COL25A1: variants seen among roughly 807,000 people sequenced by gnomAD.
COL25A1 encodes collagen type XXV alpha 1 chain.
COL25A1 carries 103 observed loss-of-function variants against 128.4 expected under a neutral mutation model. The ratio of observed to expected loss-of-function variants is 0.80; its 90% CI spans 0.68 to 0.94. The LOEUF is 0.94. Ranked by LOEUF, COL25A1 falls within the 40% of genes least tolerant of loss-of-function variation. The pLI, the probability that COL25A1 is intolerant of heterozygous loss-of-function variation, is 0.00. For synonymous variants in COL25A1, 279 were observed against 277.2 expected (o/e 1.01, Z -0.06); for missense variants, 745 against 840.0 (o/e 0.89, Z 1.40).
At chr4:108,901,795 T>C (rs1275869727) in intron 13 of COL25A1, among the ~76,000 whole-genome samples, 1 of 152,094 alleles carries the variant, frequency 6.6e-6, no homozygotes, top group East Asian at 1.9e-4. Flanking sequence ...CAAAAGATGA[T>C]GGCTATTAGG....
At chr4:109,037,691 C>G (rs1358813602) in intron 5 of COL25A1, among the ~76,000 whole-genome samples, 2 of 152,172 alleles carry the variant, frequency 1.3e-5, no homozygotes, top group Non-Finnish European at 2.9e-5. Flanking sequence ...TAGAGCTGGC[C>G]CACGTGTCAC....
At chr4:109,014,390 T>C (rs2126053011) in intron 5 of COL25A1, among the ~76,000 whole-genome samples, 1 of 151,396 alleles carries the variant, frequency 6.6e-6, no homozygotes, top group Middle Eastern at 3.5e-3. Flanking sequence ...AAAGTTAAAA[T>C]GCAGGATTCT....
chr4:109,056,717 TGA>T (rs1394244963), intron 3 of COL25A1, among the ~76,000 whole-genome samples: 1 of 152,018 alleles, frequency 6.6e-6, no homozygotes, highest in Non-Finnish European at 1.5e-5. Context: ...TAAAGCCAAC[TGA>T]GAGGATATGT....
rs1449338693 is a variant in COL25A1 at position 109,301,693 on chromosome 4, C to A, written c.297+30G>T. On this transcript the variant is annotated intron_variant, in intron 2 of 37. Transcript: ENST00000399132. ...GAGTCACGCTTGTACAAGATGTTACCCACGTGCAAAATACCCCAGCCTCTC... is the reference window on the plus strand; with the variant it reads ...GAGTCACGCTTGTACAAGATGTTACACACGTGCAAAATACCCCAGCCTCTC... The A allele has an allele frequency of 2.5e-6, 4 of 1,597,052 alleles. No homozygotes were observed. In the African/African-American group the frequency reaches 5.4e-5, roughly 21 times the overall value.
chr4:109,186,316 A>G lies in COL25A1; in HGVS notation c.367+114267T>C, dbSNP rs143382370. 6.6e-5 allele frequency among the ~76,000 whole-genome samples: 10 copies of G among 152,264 alleles called. No homozygotes were observed. The East Asian group carries it at 1.9e-3, about 29-fold the overall frequency. ...AAACTTCTTCTAATCTTTCTTTCTC[A>G]TCTTTTTTTGCATATATTTTTCCAT... On this transcript the variant is annotated intron_variant, in intron 3 of 37. Transcript: ENST00000399132.
chr4:109,238,954 T>C (rs1779649272), intron 3 of COL25A1, among the ~76,000 whole-genome samples: 1 of 151,962 alleles, frequency 6.6e-6, no homozygotes, highest in African/African-American at 2.4e-5. Flanking sequence ...AGGTAGCCAC[T>C]TTCTGGATGG....
At chr4:108,866,220 T>C (rs1477112568) in intron 20 of COL25A1, among the ~76,000 whole-genome samples, 1 of 149,950 alleles carries the variant, frequency 6.7e-6, no homozygotes, top group Admixed American at 6.7e-5. Context: ...TTTTTTGAGG[T>C]CTCACTCTGT....
intron 8 of COL25A1, among the ~76,000 whole-genome samples, chr4:108,954,042 C>A (rs1324648235): frequency 6.6e-6 from 1 of 152,148 alleles, no homozygotes; most frequent in Non-Finnish European, 1.5e-5. Flanking sequence ...TATACACTAT[C>A]TCTAGCAGGA....
Position 109,284,841 on chromosome 4 carries a change from A to G in COL25A1, c.367+15742T>C, listed in dbSNP as rs545817653. Reference sequence around the variant, plus strand: ...TTGTCCCCCCATGCCCCACCCAGGAAAAAAAAAAAAAACCTATACAATAAA... The same window carrying G: ...TTGTCCCCCCATGCCCCACCCAGGAGAAAAAAAAAAAACCTATACAATAAA... On this transcript the variant is annotated intron_variant, in intron 3 of 37. Coordinates refer to ENST00000399132, the MANE Select transcript of COL25A1 (RefSeq NM_198721.4). 8.7e-3 allele frequency among the ~76,000 whole-genome samples: 1,288 copies of G among 148,738 alleles called. 21 individuals carry two copies. Among genetic ancestry groups the G allele is most frequent in the African/African-American group, 0.03 (1,230 of 40,904 alleles).
intron 27 of COL25A1, among the ~76,000 whole-genome samples, chr4:108,847,380 G>A: frequency 6.6e-6 from 1 of 152,046 alleles, no homozygotes; most frequent in East Asian, 1.9e-4. Context: ...AAAACCGATG[G>A]AGAAAAATTA....
intron 35 of COL25A1, among the ~76,000 whole-genome samples, chr4:108,823,426 C>G (rs1732004347): frequency 6.6e-6 from 1 of 151,292 alleles, no homozygotes; most frequent in Admixed American, 6.6e-5. Flanking sequence ...AGAAAAGAAA[C>G]AGAGGAGAGT....
rs1486397717 is a variant in COL25A1, at chr4:108,896,790, T to C, written c.862-79A>G. ...TAATATTTTTCATTATTTTAAGCTT[T>C]CTTTCATGAACACTACATATTAAAA... On this transcript the variant is annotated intron_variant, in intron 15 of 37. Transcript: ENST00000399132. The C allele has an allele frequency of 7.9e-6, 10 of 1,270,842 alleles. No homozygotes were observed. The African/African-American group carries it at 1.2e-4, about 15-fold the overall frequency. The allele number at this position is 1,270,842 out of a possible 1,614,324, so 78.7% of individuals were successfully genotyped here.
At chr4:109,022,239 C>T (rs1161497075) in intron 5 of COL25A1, 2 of 450,406 alleles carry the variant, frequency 4.4e-6, no homozygotes, top group Non-Finnish European at 8.9e-6. Context: ...CTCTTTATTT[C>T]TCAGACTGGC....
intron 3 of COL25A1, among the ~76,000 whole-genome samples, chr4:109,082,496 T>TGTA (rs1763930663): frequency 2.6e-5 from 4 of 152,202 alleles, no homozygotes; most frequent in Admixed American, 2.6e-4. Context: ...TCCTCATGCA[T>TGTA]GTGAGGTAGT....
intron 3 of COL25A1, among the ~76,000 whole-genome samples, chr4:109,145,802 T>C (rs965222633): frequency 6.6e-6 from 1 of 151,974 alleles, no homozygotes; most frequent in Non-Finnish European, 1.5e-5. Flanking sequence ...GATCGCACCA[T>C]TGCACTCTAG....
intron 3 of COL25A1, among the ~76,000 whole-genome samples, chr4:109,120,925 CA>C (rs1227653481): frequency 6.6e-6 from 1 of 151,750 alleles, no homozygotes; most frequent in African/African-American, 2.4e-5. Flanking sequence ...AGGAAAACTA[CA>C]AAACTCTGAT....
At chr4:109,198,560 G>A (rs1039192193) in intron 3 of COL25A1, among the ~76,000 whole-genome samples, 2 of 152,120 alleles carry the variant, frequency 1.3e-5, no homozygotes, top group African/African-American at 4.8e-5. Context: ...CTCTTGAAAA[G>A]TCTGTAGAGG....
At chr4:108,983,113 G>T (rs1384456041) in intron 6 of COL25A1, among the ~76,000 whole-genome samples, 1 of 152,152 alleles carries the variant, frequency 6.6e-6, no homozygotes, top group Admixed American at 6.5e-5. Flanking sequence ...AAAACGAAGG[G>T]AACCCTTCTA....
intron 5 of COL25A1, among the ~76,000 whole-genome samples, chr4:109,042,835 C>T (rs1034738994): frequency 3.9e-5 from 6 of 151,934 alleles, no homozygotes; most frequent in Admixed American, 2.0e-4. Context: ...AGATGATTTG[C>T]GAGTTTGTTT....
Sources: allele counts gnomAD v4.1 joint callset (sites outside exome capture counted in the v4.1 genomes callset), GRCh38; gene constraint gnomAD v4.1.1; transcripts MANE v1.5; gene names NCBI Gene and HGNC (gene_info 2026-07-23, HGNC 2026-07-21).